The following GABPA variants were observed in gnomAD, a reference collection of about 807,000 sequenced individuals.
The protein encoded by GABPA is GA binding protein transcription factor subunit alpha.
GABPA carries 4 observed loss-of-function variants against 59.4 expected under a neutral mutation model. The observed-to-expected ratio is 0.07, with a 90% confidence interval of 0.03 to 0.15. The LOEUF is 0.15. GABPA is among the 10% of genes least tolerant of loss of function. The probability of loss-of-function intolerance (pLI) is 1.00; values close to 1 mark genes in which losing one functional copy is unlikely to be tolerated. For synonymous variants in GABPA, 164 were observed against 183.1 expected (o/e 0.90, Z 0.84); for missense variants, 251 against 543.8 (o/e 0.46, Z 5.36).
chr21:25,768,222 G>A (rs193073025), intron 9 of GABPA, among the ~76,000 whole-genome samples: 3 of 151,974 alleles, frequency 2.0e-5, no homozygotes, highest in Non-Finnish European at 2.9e-5. Context: ...GCTTGTGTAC[G>A]TTTAGAAACA....
intron 1 of GABPA, among the ~76,000 whole-genome samples, chr21:25,740,220 T>C (rs2035184920): frequency 6.6e-6 from 1 of 152,250 alleles, no homozygotes; most frequent in Non-Finnish European, 1.5e-5. Flanking sequence ...AAAATAAGAT[T>C]GCTCTATGCA....
rs17001365 is a variant in GABPA at position 25,768,892 on chromosome 21, A to G, written c.1137-112A>G. The G allele has an allele frequency of 1.6e-3, 1,018 of 649,334 alleles. 6 individuals are homozygous for G. In the African/African-American group the frequency reaches 0.017, roughly 11 times the overall value. 40.2% of individuals were successfully genotyped at this position (649,334 alleles called of 1,614,324 possible). ...CTACATAGCTTCAATATTAATTGCT[A>G]TTGTGGCGGATGCAGTACTCTACTA... is the stretch of plus-strand genomic sequence containing the variant. On this transcript the variant is annotated intron_variant, in intron 9 of 9. Coordinates refer to ENST00000400075, the MANE Select transcript of GABPA (RefSeq NM_002040.4).
At chr21:25,739,907 C>T (rs1459382706) in intron 1 of GABPA, among the ~76,000 whole-genome samples, 7 of 152,166 alleles carry the variant, frequency 4.6e-5, no homozygotes, top group East Asian at 3.8e-4. Context: ...CATGAGGCAC[C>T]GTATCTGGCC....
At chr21:25,740,002 C>A (rs1470110672) in intron 1 of GABPA, among the ~76,000 whole-genome samples, 1 of 152,120 alleles carries the variant, frequency 6.6e-6, no homozygotes, top group Non-Finnish European at 1.5e-5. Flanking sequence ...GACACAGGGA[C>A]CCCCTTTAGG....
chr21:25,768,990 TTC>T lies in GABPA; in HGVS notation c.1137-10_1137-9del. 1 of 1,563,056 alleles carries T rather than the reference TTC, an allele frequency of 6.4e-7. No homozygotes were observed. Among genetic ancestry groups the T allele is most frequent in the Non-Finnish European group, 8.8e-7 (1 of 1,142,552 alleles). ...TTTTTCTGAAGTCTCTAATTTTTTT[TTC>T]TCTTTTTGAAGATATTATTACGATG... On this transcript the variant is annotated splice_polypyrimidine_tract_variant and intron_variant, in intron 9 of 9. Coordinates refer to ENST00000400075, the MANE Select transcript of GABPA (RefSeq NM_002040.4).
intron 9 of GABPA, among the ~76,000 whole-genome samples, chr21:25,766,280 G>A (rs2035887697): frequency 6.6e-6 from 1 of 151,950 alleles, no homozygotes; most frequent in South Asian, 2.1e-4. Context: ...TCAATTCCAT[G>A]TAGCTTGTAG....
chr21:25,759,569 A>G (rs1485504892), intron 6 of GABPA, among the ~76,000 whole-genome samples: 1 of 152,006 alleles, frequency 6.6e-6, no homozygotes, highest in African/African-American at 2.4e-5. Context: ...AATTGTTTAT[A>G]ATTTTATTCT....
chr21:25,745,089 A>G lies in GABPA; in HGVS notation c.78-121A>G. The G allele has an allele frequency of 2.9e-6, 3 of 1,026,144 alleles. No individual in the cohort carries two copies. The East Asian group carries it at 7.5e-5, about 26-fold the overall frequency. The allele number at this position is 1,026,144 out of a possible 1,614,324, so 63.6% of individuals were successfully genotyped here. A position where few individuals can be genotyped will look rare whatever the true frequency, so the allele number is the denominator to read the frequency against. Reference sequence around the variant, plus strand: ...GATGAGCCTGCCACAGTATCTATGTAGAAATGACTTTTCAAAGACCAGAAA... The same window carrying G: ...GATGAGCCTGCCACAGTATCTATGTGGAAATGACTTTTCAAAGACCAGAAA... On this transcript the variant is annotated intron_variant, in intron 2 of 9. Coordinates refer to ENST00000400075, the MANE Select transcript of GABPA (RefSeq NM_002040.4).
At chr21:25,754,484 T>C (rs907196083) in intron 5 of GABPA, among the ~76,000 whole-genome samples, 1 of 152,196 alleles carries the variant, frequency 6.6e-6, no homozygotes, top group Non-Finnish European at 1.5e-5. Flanking sequence ...GATTTTCTTG[T>C]GTTTTTAATA....
chr21:25,740,906 A>G (rs959536968), intron 1 of GABPA, among the ~76,000 whole-genome samples: 7 of 152,238 alleles, frequency 4.6e-5, no homozygotes, highest in South Asian at 2.1e-4. Context: ...TTTCAGCTGA[A>G]TAAACATAGT....
Position 25,764,266 on chromosome 21 carries a change from A to T in GABPA, c.859A>T (p.Ile287Leu). The change falls in exon 8 of 10, where the codon ATA becomes TTA. Residue 287 changes from isoleucine (I) to leucine (L), a missense_variant. By Grantham distance (5) the Ile-to-Leu change is conservative. This residue lies in a region of GABPA where 207 missense variants were observed against 366.7 expected (regional missense o/e 0.56). Transcript: ENST00000400075. Reference protein sequence around the residue: ...QSATPTTIKVINSSAKAAKVQ... With the variant: ...QSATPTTIKVLNSSAKAAKVQ... ...TGCTACACCTACTACCATTAAAGTT[A>T]TAAATAGTAGTGCGAAAGCAGCCAA... The T allele has an allele frequency of 6.2e-7, 1 of 1,611,766 alleles. No homozygotes were observed. The highest frequency in any genetic ancestry group is 1.3e-5 in the African/African-American group (1 of 74,936).
rs1013984765 is a variant in GABPA, at chr21:25,769,947, G to A, written c.*715G>A. ...AAGAATTTAAATTATTTTGAGAGAG[G>A]CATTTAATTCTAATAAACCAGCTGT... On this transcript the variant is annotated 3_prime_UTR_variant, in exon 10 of 10. Coordinates refer to ENST00000400075, the MANE Select transcript of GABPA (RefSeq NM_002040.4). 19 of 152,370 alleles carry A rather than the reference G, an allele frequency of 1.2e-4. No homozygotes were observed. Among genetic ancestry groups the A allele is most frequent in the African/African-American group, 4.6e-4 (19 of 41,376 alleles). 9.4% of individuals were successfully genotyped at this position (152,370 alleles called of 1,614,324 possible). A position where few individuals can be genotyped will look rare whatever the true frequency, so the allele number is the denominator to read the frequency against.
At chr21:25,759,894 A>T (rs1407892751) in intron 6 of GABPA, among the ~76,000 whole-genome samples, 1 of 152,170 alleles carries the variant, frequency 6.6e-6, no homozygotes, top group Non-Finnish European at 1.5e-5. Context: ...CGTTTTTTCC[A>T]GTCTTTCCCA....
intron 5 of GABPA, among the ~76,000 whole-genome samples, chr21:25,754,307 C>G (rs71651608): frequency 1.3e-5 from 2 of 152,152 alleles, no homozygotes; most frequent in East Asian, 3.9e-4. Context: ...GTTGGACAGC[C>G]CTGATCTTGA....
Position 25,760,796 on chromosome 21 carries a change from AG to A in GABPA, c.749-1513del, listed in dbSNP as rs146078398. Among the ~76,000 whole-genome samples the A allele has an allele frequency of 1.5e-3, 222 of 152,200 alleles. 1 individual carries two copies. The highest frequency in any genetic ancestry group is 5.1e-3 in the African/African-American group (213 of 41,534). On this transcript the variant is annotated intron_variant, in intron 6 of 9. Coordinates refer to ENST00000400075, the MANE Select transcript of GABPA (RefSeq NM_002040.4). ...TGTGTAGCAAGGATTTGGAGGTTTC[AG>A]GGAGGAATGTGATATTCAGAGTGCC...
At chr21:25,757,172 A>G (rs1265635152) in intron 5 of GABPA, among the ~76,000 whole-genome samples, 5 of 152,166 alleles carry the variant, frequency 3.3e-5, no homozygotes, top group African/African-American at 1.2e-4. Context: ...ATTTGAATAG[A>G]TCATCTTCTT....
intron 1 of GABPA, chr21:25,735,811 GC>G (rs2035033165): frequency 6.7e-6 from 1 of 150,122 alleles, no homozygotes; most frequent in Admixed American, 6.6e-5. Context: ...GCGGCCTGGA[GC>G]CCGGGGGGAC....
rs1417617545 is a variant in GABPA at position 25,771,649 on chromosome 21, T to C, written c.*2417T>C. 1.3e-5 allele frequency: 2 copies of C among 152,062 alleles called. No individual in the cohort carries two copies. The highest frequency in any genetic ancestry group is 2.9e-5 in the Non-Finnish European group (2 of 67,890). 9.4% of individuals were successfully genotyped at this position (152,062 alleles called of 1,614,324 possible). A position where few individuals can be genotyped will look rare whatever the true frequency, so the allele number is the denominator to read the frequency against. ...ATAAAATTTATGCTATTCTTTGCTT[T>C]GTTTTTATAAATGAATTTTTCATAG... is the stretch of plus-strand genomic sequence containing the variant. On this transcript the variant is annotated 3_prime_UTR_variant, in exon 10 of 10. Transcript: ENST00000400075.
Position 25,762,294 on chromosome 21 carries a change from A to C in GABPA, c.749-18A>C. 6.8e-7 allele frequency: 1 copy of C among 1,480,378 alleles called. No homozygotes were observed. The highest frequency in any genetic ancestry group is 1.4e-5 in the African/African-American group (1 of 70,908). 91.7% of individuals were successfully genotyped at this position (1,480,378 alleles called of 1,614,324 possible). Reference sequence around the variant, plus strand: ...TTTTTGGTTTTAAATAAAAACAAAAAATTTTTGTTTTTTTCAGATGTATTG... The same window carrying C: ...TTTTTGGTTTTAAATAAAAACAAAACATTTTTGTTTTTTTCAGATGTATTG... On this transcript the variant is annotated intron_variant, in intron 6 of 9. Coordinates refer to ENST00000400075, the MANE Select transcript of GABPA (RefSeq NM_002040.4).
Sources: gnomAD v4.1 joint callset for allele counts (sites outside exome capture counted in the v4.1 genomes callset) on GRCh38, gnomAD v4.1.1 for gene constraint, gnomAD v4.1.1 regional missense constraint, MANE v1.5 for transcripts, NCBI Gene and HGNC (gene_info 2026-07-23, HGNC 2026-07-21) for gene names.